The following CLTCL1 variants were observed in gnomAD, a reference collection of about 807,000 sequenced individuals.
The protein encoded by CLTCL1 is clathrin heavy chain like 1.
A neutral mutation model predicts 190.0 loss-of-function variants in CLTCL1; 159 were observed. The observed-to-expected ratio is 0.84, with a 90% CI of 0.74 to 0.95. CLTCL1 has a LOEUF of 0.95. Among genes scored for constraint, CLTCL1 ranks in the 40% least tolerant of loss-of-function variants. CLTCL1 has a pLI of 0.00. For missense variants in CLTCL1, 1,878 were observed against 2,033.4 expected (o/e 0.92, Z 1.47); for synonymous variants, 752 against 769.6 (o/e 0.98, Z 0.38).
intron 4 of CLTCL1, among the ~76,000 whole-genome samples, chr22:19,240,009 C>T (rs530544264): frequency 6.7e-5 from 10 of 149,546 alleles, no homozygotes; most frequent in East Asian, 3.9e-4. Context: ...AGTGCAGTGG[C>T]GCGATCTCAG....
chr22:19,233,401 C>A (rs375337224), intron 8 of CLTCL1, 21 bp downstream of exon 8: 1 of 1,613,320 alleles, frequency 6.2e-7, no homozygotes, highest in Admixed American at 1.7e-5. Flanking sequence ...GGGGGGGCTA[C>A]GAGCTCACAA....
rs1555937935 is a variant in CLTCL1 at position 19,199,743 on chromosome 22, G to C, written c.3864C>G (p.Cys1288Trp). Residue 1288 changes from cysteine to tryptophan, a missense_variant, in exon 24 of 33, where the codon TGC (cysteine) becomes TGG (tryptophan). Physicochemically the swap from Cys to Trp is radical, Grantham distance 215. Transcript: ENST00000427926. ...GAGATCATCTGGTCACCTGGTAATA[G>C]CACATCAGCTCCTCCAGCTCATCTG... ...IHADELEELM[C>W]YYQDRGYFEE... is the part of the protein sequence containing the mutation. 6.3e-7 allele frequency: 1 copy of C among 1,585,638 alleles called. No homozygotes were observed. Among genetic ancestry groups the C allele is most frequent in the South Asian group, 1.2e-5 (1 of 86,314 alleles).
intron 1 of CLTCL1, 30 bp downstream of exon 1, chr22:19,291,570 A>C: frequency 7.4e-7 from 1 of 1,343,396 alleles, no homozygotes; most frequent in Non-Finnish European, 9.7e-7. Context: ...CGCGGCTGAC[A>C]GGGCAGCCCC....
In CLTCL1 at chr22:19,223,942, T is replaced by C. The variant is rs782462931; in HGVS notation, c.2241A>G (p.Ile747Met). Reference sequence around the variant, plus strand: ...GGTTGTAGCAGCTGCTCTCTCGGCATATCCTCTCCACCTCCTTGATCTGCC... The same window carrying C: ...GGTTGTAGCAGCTGCTCTCTCGGCACATCCTCTCCACCTCCTTGATCTGCC... Reference protein sequence around the residue: ...KTGQIKEVERICRESSCYNPE... With the variant: ...KTGQIKEVERMCRESSCYNPE... The change falls in exon 14 of 33, where the codon ATA becomes ATG. Residue 747 changes from isoleucine to methionine, a missense_variant. Coordinates refer to ENST00000427926, the MANE Select transcript of CLTCL1 (RefSeq NM_007098.4). 6.2e-7 allele frequency: 1 copy of C among 1,613,970 alleles called. No individual in the cohort carries two copies. The highest frequency in any genetic ancestry group is 1.1e-5 in the South Asian group (1 of 91,086).
At chr22:19,184,695 G>A (rs2084254921) in intron 29 of CLTCL1, 4 of 406,376 alleles carry the variant, frequency 9.8e-6, no homozygotes, top group South Asian at 7.1e-5. Flanking sequence ...TGCCTAAAGT[G>A]GGCCCTGCTC....
At position 19,283,762 on chromosome 22, in the gene CLTCL1, C is replaced by T. The variant is rs552036416; in HGVS notation, c.42+7838G>A. On this transcript the variant is annotated intron_variant, in intron 1 of 32. Transcript: ENST00000427926. ...ATCCCAGCACTTTGGGAGGCCGAGGCGGGTAGATCACTGGAGGTCAGGAAT... is the reference window on the plus strand; with the variant it reads ...ATCCCAGCACTTTGGGAGGCCGAGGTGGGTAGATCACTGGAGGTCAGGAAT... 3.3e-5 allele frequency among the ~76,000 whole-genome samples: 5 copies of T among 151,838 alleles called. No individual in the cohort carries two copies. The South Asian group carries it at 1.0e-3, about 32-fold the overall frequency.
intron 2 of CLTCL1, chr22:19,258,120 A>C (rs544967176): frequency 1.0e-5 from 4 of 400,008 alleles, no homozygotes; most frequent in African/African-American, 8.3e-5. Flanking sequence ...CTGTAGATGA[A>C]GACAAAGATT....
At chr22:19,200,226 A>C (rs530204222) in intron 23 of CLTCL1, among the ~76,000 whole-genome samples, 1 of 152,312 alleles carries the variant, frequency 6.6e-6, no homozygotes, top group African/African-American at 2.4e-5. Flanking sequence ...GCTTGTTTTA[A>C]TAGTTTTTTA....
intron 27 of CLTCL1, 24 bp downstream of exon 27, chr22:19,191,280 T>C (rs372399551): frequency 1.5e-5 from 25 of 1,613,782 alleles, no homozygotes; most frequent in African/African-American, 2.7e-5. Context: ...TACACTCTTC[T>C]ACCTGGGGTT....
chr22:19,207,061 G>A (rs9618507), intron 22 of CLTCL1, among the ~76,000 whole-genome samples: 2 of 122,868 alleles, frequency 1.6e-5, no homozygotes, highest in African/African-American at 3.1e-5. Flanking sequence ...CTGTCACCCA[G>A]GCTGGAGTGT....
intron 26 of CLTCL1, among the ~76,000 whole-genome samples, chr22:19,195,262 A>T (rs148105149): frequency 3.3e-5 from 5 of 152,192 alleles, no homozygotes; most frequent in African/African-American, 1.2e-4. Context: ...CAACCTGCAG[A>T]CTCTGCTCAG....
Position 19,282,191 on chromosome 22 carries a change from T to C in CLTCL1, c.43-6361A>G, listed in dbSNP as rs374126783. ...TAAAAACACAAAAATTAGCCAGGCA[T>C]GGTGGCGTGCACCTGTAGTCTCAGC... On this transcript the variant is annotated intron_variant, in intron 1 of 32. Coordinates refer to ENST00000427926, the MANE Select transcript of CLTCL1 (RefSeq NM_007098.4). 8.6e-4 allele frequency among the ~76,000 whole-genome samples: 131 copies of C among 151,696 alleles called. 2 individuals carry two copies. The highest frequency in any genetic ancestry group is 3.0e-3 in the African/African-American group (126 of 41,314).
chr22:19,232,599 C>G lies in CLTCL1; in HGVS notation c.1522-1G>C. 6.2e-7 allele frequency: 1 copy of G among 1,611,138 alleles called. No homozygotes were observed. Among genetic ancestry groups the G allele is most frequent in the Non-Finnish European group, 8.5e-7 (1 of 1,178,604 alleles). On this transcript the variant is annotated splice_acceptor_variant, in intron 9 of 32. Transcript: ENST00000427926. LOFTEE classifies it high-confidence loss of function. ...AGATCCAGTCTGGGGTGTACCCAAC[C>G]TAGAAGCAAGGGAGCACCAATCAGG...
At chr22:19,188,507 G>C (rs1040788858) in intron 27 of CLTCL1, among the ~76,000 whole-genome samples, 1 of 152,128 alleles carries the variant, frequency 6.6e-6, no homozygotes, top group African/African-American at 2.4e-5. Context: ...AGCCTTCAGT[G>C]ACTCGTAATC....
Position 19,233,036 on chromosome 22 carries a change from C to T in CLTCL1, c.1521+130G>A, listed in dbSNP as rs2085962919. ...AATATGATCATTATGAATAAAGATCCTAACAGCAACATTGCCAACTCTCAC... is the reference window on the plus strand; with the variant it reads ...AATATGATCATTATGAATAAAGATCTTAACAGCAACATTGCCAACTCTCAC... On this transcript the variant is annotated intron_variant, in intron 9 of 32. Transcript: ENST00000427926. The T allele has an allele frequency of 2.5e-5, 24 of 961,418 alleles. 1 individual carries two copies. The South Asian group carries it at 4.1e-4, about 16-fold the overall frequency. The allele number at this position is 961,418 out of a possible 1,614,324, so 59.6% of individuals were successfully genotyped here.
chr22:19,246,434 T>C (rs2086421308), intron 3 of CLTCL1, among the ~76,000 whole-genome samples: 1 of 152,110 alleles, frequency 6.6e-6, no homozygotes. Flanking sequence ...CTACCACTAA[T>C]GTAGGAGGGT....
chr22:19,262,241 T>C (rs868945740), intron 2 of CLTCL1, among the ~76,000 whole-genome samples: 1 of 151,524 alleles, frequency 6.6e-6, no homozygotes, highest in Non-Finnish European at 1.5e-5. Context: ...TTGGCCAGGA[T>C]GGTCTCGATC....
chr22:19,232,386 T>C (rs1555959447), intron 10 of CLTCL1, 90 bp downstream of exon 10: 36 of 1,552,794 alleles, frequency 2.3e-5, no homozygotes, highest in Non-Finnish European at 2.8e-5. Flanking sequence ...AAGAAAAGCA[T>C]TGAGACAAGT....
intron 22 of CLTCL1, among the ~76,000 whole-genome samples, chr22:19,204,041 G>A (rs986324975): frequency 2.0e-5 from 3 of 152,150 alleles, no homozygotes; most frequent in African/African-American, 4.8e-5. Flanking sequence ...TGCCCCTTGC[G>A]ACATCACTGC....
Sources: allele counts gnomAD v4.1 joint callset (sites outside exome capture counted in the v4.1 genomes callset), GRCh38; gene constraint gnomAD v4.1.1; transcripts MANE v1.5; gene names NCBI Gene and HGNC (gene_info 2026-07-23, HGNC 2026-07-21).